SCAPER: variants seen among roughly 807,000 people sequenced by gnomAD.
The protein encoded by SCAPER is S-phase cyclin A associated protein in the ER, also known as S phase cyclin A-associated protein in the endoplasmic reticulum.
In SCAPER, 98 loss-of-function variants were observed where a neutral mutation model predicts 182.2. The ratio of observed to expected loss-of-function variants is 0.54; its 90% CI spans 0.46 to 0.64. The LOEUF is 0.64. Among genes scored for constraint, SCAPER ranks in the 30% least tolerant of loss-of-function variants. The pLI, the probability that SCAPER is intolerant of heterozygous loss-of-function variation, is 0.00. For synonymous variants in SCAPER, 605 were observed against 564.6 expected (o/e 1.07, Z -1.01); for missense variants, 1,432 against 1,690.0 (o/e 0.85, Z 2.68).
chr15:76,470,433 G>A (rs1343195826), intron 25 of SCAPER, among the ~76,000 whole-genome samples: 2 of 152,148 alleles, frequency 1.3e-5, no homozygotes, highest in African/African-American at 4.8e-5. Context: ...ACTGCAAAAT[G>A]CATAGGAATT....
chr15:76,413,924 G>A (rs2045475901), intron 26 of SCAPER, among the ~76,000 whole-genome samples: 1 of 152,078 alleles, frequency 6.6e-6, no homozygotes, highest in African/African-American at 2.4e-5. Flanking sequence ...ATGAAACTGT[G>A]GGCTAACTTG....
intron 21 of SCAPER, among the ~76,000 whole-genome samples, chr15:76,637,051 A>T (rs1414214152): frequency 6.6e-6 from 1 of 152,076 alleles, no homozygotes; most frequent in East Asian, 1.9e-4. Flanking sequence ...TGTATAATAT[A>T]ATGTTTTTGA....
At chr15:76,423,257 T>G (rs1250633669) in intron 26 of SCAPER, among the ~76,000 whole-genome samples, 2 of 152,222 alleles carry the variant, frequency 1.3e-5, no homozygotes, top group African/African-American at 4.8e-5. Flanking sequence ...CCTGGACTTT[T>G]TTTGGTTCGT....
At chr15:76,574,939 A>C (rs948352470) in intron 22 of SCAPER, among the ~76,000 whole-genome samples, 26 of 152,118 alleles carry the variant, frequency 1.7e-4, no homozygotes, top group African/African-American at 5.1e-4. Flanking sequence ...GAATCCACTA[A>C]TAGATGCTCA....
At chr15:76,516,567 G>A (rs1397523733) in intron 23 of SCAPER, among the ~76,000 whole-genome samples, 2 of 152,120 alleles carry the variant, frequency 1.3e-5, no homozygotes, top group Admixed American at 6.5e-5. Context: ...TGGCTGCATA[G>A]TATTCCATGG....
chr15:76,576,213 T>C (rs1356409704), intron 22 of SCAPER, among the ~76,000 whole-genome samples: 1 of 152,070 alleles, frequency 6.6e-6, no homozygotes, highest in African/African-American at 2.4e-5. Flanking sequence ...AATAAGAAAC[T>C]ATTAGCTGGC....
In SCAPER at chr15:76,905,311, T is replaced by A. The variant is rs1171238760; in HGVS notation, c.-72A>T. 1 of 269,206 alleles carries A rather than the reference T, an allele frequency of 3.7e-6. No homozygotes were observed. Among genetic ancestry groups the A allele is most frequent in the Non-Finnish European group, 7.7e-6 (1 of 130,452 alleles). 16.7% of individuals were successfully genotyped at this position (269,206 alleles called of 1,614,324 possible). A position where few individuals can be genotyped will look rare whatever the true frequency, so the allele number is the denominator to read the frequency against. On this transcript the variant is annotated 5_prime_UTR_variant, in exon 1 of 32. Transcript: ENST00000563290. The stretch of plus-strand genomic sequence containing the variant: ...CGCGGACACTCACCCCCGACCGCCC[T>A]GCTTAGTTCGGGGCGGCTCAAAGCG...
intron 23 of SCAPER, among the ~76,000 whole-genome samples, chr15:76,507,046 A>G (rs1395404774): frequency 6.6e-6 from 1 of 152,192 alleles, no homozygotes; most frequent in African/African-American, 2.4e-5. Flanking sequence ...ATAGCAACTT[A>G]TTGTGACTTG....
At chr15:76,774,819 GA>G in intron 9 of SCAPER, 35 bp downstream of exon 9, 1 of 1,574,294 alleles carries the variant, frequency 6.4e-7, no homozygotes. Context: ...ATACACCTTT[GA>G]AAAAGACAGT....
At chr15:76,528,234 A>G (rs2043353548) in intron 23 of SCAPER, among the ~76,000 whole-genome samples, 1 of 152,198 alleles carries the variant, frequency 6.6e-6, no homozygotes, top group African/African-American at 2.4e-5. Flanking sequence ...GCCTTAAATA[A>G]TAATATTCCT....
At chr15:76,540,895 G>A (rs542836676) in intron 23 of SCAPER, among the ~76,000 whole-genome samples, 75 of 152,134 alleles carry the variant, frequency 4.9e-4, no homozygotes, top group African/African-American at 1.7e-3. Flanking sequence ...GGCTGAGGCG[G>A]TTAGATCATG....
intron 23 of SCAPER, among the ~76,000 whole-genome samples, chr15:76,525,364 T>TA (rs1300685417): frequency 2.0e-5 from 3 of 152,102 alleles, no homozygotes; most frequent in Admixed American, 6.5e-5. Context: ...TAAATATAAA[T>TA]AAAAAAGTAA....
intron 25 of SCAPER, among the ~76,000 whole-genome samples, chr15:76,456,413 A>G (rs903042136): frequency 2.0e-5 from 3 of 152,230 alleles, no homozygotes; most frequent in Non-Finnish European, 4.4e-5. Context: ...TTGTAGATAC[A>G]TAATATTGAG....
intron 21 of SCAPER, among the ~76,000 whole-genome samples, chr15:76,652,554 CACACACAT>C (rs1364234994): frequency 2.8e-5 from 4 of 142,042 alleles, no homozygotes; most frequent in African/African-American, 7.9e-5. Flanking sequence ...CACACACACA[CACACACAT>C]TAGCCGGGTG....
intron 23 of SCAPER, among the ~76,000 whole-genome samples, chr15:76,517,108 T>C (rs1327732916): frequency 2.6e-5 from 4 of 152,100 alleles, no homozygotes; most frequent in African/African-American, 9.7e-5. Context: ...CCAAGAGTGC[T>C]GTGGGAAAAT....
chr15:76,652,147 C>A (rs2055110024), intron 21 of SCAPER, among the ~76,000 whole-genome samples: 1 of 147,404 alleles, frequency 6.8e-6, no homozygotes, highest in Non-Finnish European at 1.5e-5. Context: ...GGCATGAGGG[C>A]TCACGTGAGC....
chr15:76,877,073 C>T (rs2073222817), intron 2 of SCAPER, among the ~76,000 whole-genome samples: 1 of 151,940 alleles, frequency 6.6e-6, no homozygotes, highest in South Asian at 2.1e-4. Context: ...CCCATCTCTA[C>T]AAAAAATTTA....
At chr15:76,530,362 T>C (rs572578675) in intron 23 of SCAPER, among the ~76,000 whole-genome samples, 2 of 152,250 alleles carry the variant, frequency 1.3e-5, no homozygotes, top group African/African-American at 4.8e-5. Flanking sequence ...AATCCAGCTA[T>C]CAGGCATCCA....
At chr15:76,687,831 A>T (rs2058117814) in intron 20 of SCAPER, among the ~76,000 whole-genome samples, 1 of 152,176 alleles carries the variant, frequency 6.6e-6, no homozygotes, top group Non-Finnish European at 1.5e-5. Flanking sequence ...TTCTTTATCC[A>T]GTCTATCACT....
Sources: gnomAD v4.1 joint callset for allele counts (sites outside exome capture counted in the v4.1 genomes callset) on GRCh38, gnomAD v4.1.1 for gene constraint, MANE v1.5 for transcripts, NCBI Gene and HGNC (gene_info 2026-07-23, HGNC 2026-07-21) for gene names.